PEX13: variants seen among roughly 807,000 people sequenced by gnomAD.
PEX13 encodes peroxisome biogenesis factor 13.
Under a neutral mutation model 34.5 loss-of-function variants are expected in PEX13, and 28 were observed. The observed-to-expected ratio is 0.81, with a 90% CI of 0.60 to 1.11. The LOEUF is 1.11. PEX13 is among the 50% of genes most tolerant of loss of function. The pLI is 0.00. For missense variants in PEX13, 550 were observed against 491.0 expected, an observed-to-expected ratio of 1.12 and a Z score of -1.13; for synonymous variants, 177 against 175.1, an observed-to-expected ratio of 1.01 and a Z score of -0.09.
At chr2:61,041,018 G>A (rs1461725282) in intron 2 of PEX13, among the ~76,000 whole-genome samples, 1 of 151,846 alleles carries the variant, frequency 6.6e-6, no homozygotes, top group Non-Finnish European at 1.5e-5. Flanking sequence ...AGTGACATGG[G>A]TCCTAAGATA....
chr2:61,044,687 A>G (rs892437893), intron 2 of PEX13, among the ~76,000 whole-genome samples: 1 of 152,206 alleles, frequency 6.6e-6, no homozygotes, highest in Non-Finnish European at 1.5e-5. Context: ...CGCCTGACCT[A>G]TATTCTTAAG....
intron 1 of PEX13, among the ~76,000 whole-genome samples, chr2:61,023,343 T>C (rs1406804080): frequency 6.6e-6 from 1 of 152,018 alleles, no homozygotes; most frequent in Non-Finnish European, 1.5e-5. Flanking sequence ...TTCTCCTTAG[T>C]AGCCTTGATA....
rs1050392536 is a variant in PEX13, at chr2:61,050,695, C to A, written c.*1925C>A. On this transcript the variant is annotated 3_prime_UTR_variant, in exon 4 of 4. Transcript: ENST00000295030. ...AGTCCAGTGGCGCGATCTCGGCTCA[C>A]TGCAAGCTCCGCCTCCCGGGTTCAC... 6.6e-6 allele frequency: 1 copy of A among 152,342 alleles called. No homozygotes were observed. Among genetic ancestry groups the A allele is most frequent in the East Asian group, 1.9e-4 (1 of 5,174 alleles). The allele number at this position is 152,342 out of a possible 1,614,324, so 9.4% of individuals were successfully genotyped here.
At chr2:61,018,333 C>G in intron 1 of PEX13, 1 of 1,523,324 alleles carries the variant, frequency 6.6e-7, no homozygotes, top group African/African-American at 1.4e-5. Context: ...GCCCCGTACA[C>G]TTTGCATTCT....
At chr2:61,038,054 AGAAGAAGTTGAATC>A (rs1680564333) in intron 2 of PEX13, among the ~76,000 whole-genome samples, 1 of 152,110 alleles carries the variant, frequency 6.6e-6, no homozygotes, top group Non-Finnish European at 1.5e-5. Context: ...GACTAAACCA[AGAAGAAGTTGAATC>A]TCTGAATAGA....
chr2:61,018,963 G>A (rs1680183673), intron 1 of PEX13: 1 of 152,226 alleles, frequency 6.6e-6, no homozygotes, highest in African/African-American at 2.4e-5. Context: ...ACAGAGACCA[G>A]TAGAGAGTAA....
Position 61,048,800 on chromosome 2 carries a change from A to G in PEX13, c.*30A>G, listed in dbSNP as rs1680752051. The stretch of plus-strand genomic sequence containing the variant: ...TTTCATGTTTGCCTGCAGTTGAACA[A>G]TACTTTAGAGTACTTTTTAAAATTA... On this transcript the variant is annotated 3_prime_UTR_variant, in exon 4 of 4. Transcript: ENST00000295030. 1 of 1,543,090 alleles carries G rather than the reference A, an allele frequency of 6.5e-7. No individual in the cohort carries two copies. The highest frequency in any genetic ancestry group is 9.0e-7 in the Non-Finnish European group (1 of 1,115,394).
chr2:61,024,813 C>T (rs937083641), intron 1 of PEX13, among the ~76,000 whole-genome samples: 4 of 151,734 alleles, frequency 2.6e-5, no homozygotes, highest in African/African-American at 4.8e-5. Flanking sequence ...CATCTAAGAA[C>T]AAAAACAAAA....
chr2:61,049,066 T>C lies in PEX13; in HGVS notation c.*296T>C. 2.5e-6 allele frequency: 1 copy of C among 400,802 alleles called. No homozygotes were observed. Among genetic ancestry groups the C allele is most frequent in the South Asian group, 2.4e-5 (1 of 42,274 alleles). 24.8% of individuals were successfully genotyped at this position (400,802 alleles called of 1,614,324 possible). ...CTCTAGGTTTATTGGAAGAGTAAGA[T>C]TGATGAACTATAGCATGCACAGTTT... is the stretch of plus-strand genomic sequence containing the variant. On this transcript the variant is annotated 3_prime_UTR_variant, in exon 4 of 4. Coordinates refer to ENST00000295030, the MANE Select transcript of PEX13 (RefSeq NM_002618.4).
chr2:61,026,492 C>T (rs762887306), intron 1 of PEX13, among the ~76,000 whole-genome samples: 77 of 151,916 alleles, frequency 5.1e-4, no homozygotes, highest in Non-Finnish European at 7.7e-4. Context: ...AGATTACAGG[C>T]GCCCACCACC....
intron 3 of PEX13, among the ~76,000 whole-genome samples, chr2:61,048,024 C>T (rs1036278843): frequency 5.3e-5 from 8 of 151,994 alleles, no homozygotes; most frequent in South Asian, 4.1e-4. Context: ...TCACATGAAA[C>T]GAATTTTATA....
intron 2 of PEX13, among the ~76,000 whole-genome samples, chr2:61,034,060 G>A (rs1180255365): frequency 2.0e-5 from 3 of 151,942 alleles, no homozygotes; most frequent in Non-Finnish European, 4.4e-5. Context: ...GCAGTGGCGC[G>A]ATCTCAGCTT....
intron 2 of PEX13, among the ~76,000 whole-genome samples, chr2:61,043,345 A>C (rs939880587): frequency 2.6e-4 from 40 of 152,112 alleles, no homozygotes; most frequent in African/African-American, 8.0e-4. Flanking sequence ...AAAAAAAAAA[A>C]AAAAAAACAA....
chr2:61,038,474 C>G (rs1680570615), intron 2 of PEX13, among the ~76,000 whole-genome samples: 1 of 152,130 alleles, frequency 6.6e-6, no homozygotes, highest in South Asian at 2.1e-4. Context: ...TAAATGTAAT[C>G]CATCACATAA....
chr2:61,043,597 T>C (rs1166373635), intron 2 of PEX13, among the ~76,000 whole-genome samples: 1 of 152,186 alleles, frequency 6.6e-6, no homozygotes, highest in East Asian at 1.9e-4. Context: ...GTTACAAAGG[T>C]TTTGAAAATA....
At chr2:61,028,443 G>A (rs974513209) in intron 1 of PEX13, among the ~76,000 whole-genome samples, 1 of 149,992 alleles carries the variant, frequency 6.7e-6, no homozygotes, top group African/African-American at 2.5e-5. Flanking sequence ...AGACTGGAGG[G>A]CAGTGGCATG....
intron 1 of PEX13, among the ~76,000 whole-genome samples, chr2:61,021,809 A>G (rs1434923098): frequency 4.3e-4 from 66 of 152,172 alleles, no homozygotes; most frequent in Non-Finnish European, 3.1e-4. Flanking sequence ...TCCCTCTGGG[A>G]CAAAGCTTCC....
intron 1 of PEX13, among the ~76,000 whole-genome samples, chr2:61,019,604 C>T (rs553766093): frequency 6.6e-5 from 10 of 151,478 alleles, no homozygotes; most frequent in African/African-American, 2.2e-4. Context: ...ATTTTTTTTT[C>T]CATATAGGTA....
intron 1 of PEX13, among the ~76,000 whole-genome samples, chr2:61,024,192 G>A (rs185889183): frequency 3.8e-4 from 58 of 152,274 alleles, no homozygotes; most frequent in African/African-American, 1.3e-3. Flanking sequence ...GTTTTCAGCA[G>A]TTTGCTTTGT....
Sources: allele counts gnomAD v4.1 joint callset (sites outside exome capture counted in the v4.1 genomes callset), GRCh38; gene constraint gnomAD v4.1.1; transcripts MANE v1.5; gene names NCBI Gene and HGNC (gene_info 2026-07-23, HGNC 2026-07-21).